The following CHSY1 variants were observed in gnomAD, a reference collection of about 807,000 sequenced individuals.
CHSY1 encodes N-acetylgalactosaminyl-proteoglycan 3-beta-glucuronosyltransferase 1.
Under a neutral mutation model 59.8 loss-of-function variants are expected in CHSY1, and 13 were observed. The ratio of observed to expected loss-of-function variants is 0.22; its 90% CI spans 0.14 to 0.35. CHSY1 has a LOEUF of 0.35. Ranked by LOEUF, CHSY1 falls within the 10% of genes least tolerant of loss-of-function variation. CHSY1 has a pLI of 1.00. For synonymous variants in CHSY1, 459 were observed against 401.2 expected (o/e 1.14, Z -1.72); for missense variants, 947 against 1,030.6 (o/e 0.92, Z 1.11).
rs2039116129 is a variant in CHSY1 at position 101,251,644 on chromosome 15, G to A, written c.-188C>T. 6.8e-6 allele frequency: 1 copy of A among 146,346 alleles called. No homozygotes were observed. Among genetic ancestry groups the A allele is most frequent in the South Asian group, 2.1e-4 (1 of 4,836 alleles). The allele number at this position is 146,346 out of a possible 1,614,324, so 9.1% of individuals were successfully genotyped here. On this transcript the variant is annotated 5_prime_UTR_variant, in exon 1 of 3. An upstream open reading frame in the 5' UTR gains an earlier in-frame stop. Transcript: ENST00000254190. ...CCCGCAGGCCCCGCGCCGGCGCTTT[G>A]TTCCGCACGCCCGCCCCCGCCGCCG... is the stretch of plus-strand genomic sequence containing the variant.
intron 2 of CHSY1, among the ~76,000 whole-genome samples, chr15:101,204,661 T>TG (rs1394644913): frequency 2.0e-5 from 3 of 151,704 alleles, no homozygotes; most frequent in African/African-American, 7.3e-5. Context: ...CCCAGCACTT[T>TG]GGGAGGCCAA....
intron 2 of CHSY1, among the ~76,000 whole-genome samples, chr15:101,205,886 A>T (rs957010093): frequency 6.6e-6 from 1 of 151,904 alleles, no homozygotes; most frequent in African/African-American, 2.4e-5. Flanking sequence ...CAGGAGGCGG[A>T]GCTTGCAGTG....
chr15:101,185,980 C>T (rs1360363541), intron 2 of CHSY1, among the ~76,000 whole-genome samples: 2 of 151,618 alleles, frequency 1.3e-5, no homozygotes, highest in Non-Finnish European at 2.9e-5. Context: ...AGGAAACACG[C>T]AGGTAGCATT....
At chr15:101,244,734 C>G (rs1222756691) in intron 1 of CHSY1, among the ~76,000 whole-genome samples, 1 of 152,186 alleles carries the variant, frequency 6.6e-6, no homozygotes, top group Non-Finnish European at 1.5e-5. Context: ...TTTACTTTCA[C>G]TTAAGTATAT....
intron 2 of CHSY1, among the ~76,000 whole-genome samples, chr15:101,222,091 A>T (rs1336606934): frequency 6.6e-6 from 1 of 152,214 alleles, no homozygotes; most frequent in East Asian, 1.9e-4. Context: ...AAGCTTGCTC[A>T]ACTGATAAGC....
chr15:101,218,736 C>A (rs145698351), intron 2 of CHSY1, among the ~76,000 whole-genome samples: 1 of 152,216 alleles, frequency 6.6e-6, no homozygotes, highest in Non-Finnish European at 1.5e-5. Context: ...GCCAGGGTGA[C>A]AGAGCAAGAC....
At chr15:101,204,505 G>A (rs1334150052) in intron 2 of CHSY1, among the ~76,000 whole-genome samples, 1 of 151,142 alleles carries the variant, frequency 6.6e-6, no homozygotes, top group Non-Finnish European at 1.5e-5. Flanking sequence ...AAGCTGATGT[G>A]GTAAATATTA....
At chr15:101,201,895 A>C (rs1339970824) in intron 2 of CHSY1, among the ~76,000 whole-genome samples, 1 of 152,190 alleles carries the variant, frequency 6.6e-6, no homozygotes, top group African/African-American at 2.4e-5. Context: ...AGGGGGTTAG[A>C]AGGAATCTCA....
intron 2 of CHSY1, among the ~76,000 whole-genome samples, chr15:101,194,189 C>T (rs952241461): frequency 6.6e-6 from 1 of 152,220 alleles, no homozygotes; most frequent in Non-Finnish European, 1.5e-5. Flanking sequence ...GTTAAGTAAT[C>T]TAAGAATGGG....
intron 2 of CHSY1, among the ~76,000 whole-genome samples, chr15:101,221,984 T>C (rs139826961): frequency 6.6e-6 from 1 of 152,178 alleles, no homozygotes; most frequent in Non-Finnish European, 1.5e-5. Flanking sequence ...GAGCGTTAAA[T>C]TGCTGAGTGA....
chr15:101,189,518 G>T, intron 2 of CHSY1: 2 of 975,552 alleles, frequency 2.1e-6, no homozygotes, highest in Non-Finnish European at 2.4e-6. Context: ...TTAAAGGGAA[G>T]CTAGAAATCC....
intron 1 of CHSY1, among the ~76,000 whole-genome samples, chr15:101,238,008 A>G (rs2038964632): frequency 6.6e-6 from 1 of 152,358 alleles, no homozygotes; most frequent in Non-Finnish European, 1.5e-5. Context: ...GATACACACC[A>G]AATCTCTGCG....
intron 2 of CHSY1, among the ~76,000 whole-genome samples, chr15:101,231,240 A>G (rs1402762610): frequency 2.6e-5 from 4 of 152,256 alleles, no homozygotes; most frequent in African/African-American, 9.6e-5. Flanking sequence ...AACTGGAAAT[A>G]GCCCGAACGT....
intron 2 of CHSY1, among the ~76,000 whole-genome samples, chr15:101,194,081 G>C (rs2141249076): frequency 6.6e-6 from 1 of 152,372 alleles, no homozygotes; most frequent in South Asian, 2.1e-4. Flanking sequence ...TCTTTTAAAA[G>C]TGAAAGTGAC....
chr15:101,248,296 A>C (rs1469018671), intron 1 of CHSY1, among the ~76,000 whole-genome samples: 1 of 152,168 alleles, frequency 6.6e-6, no homozygotes, highest in Non-Finnish European at 1.5e-5. Context: ...CTCCATCCCA[A>C]TTGAGGCCCT....
intron 1 of CHSY1, among the ~76,000 whole-genome samples, chr15:101,236,648 C>T (rs556149748): frequency 9.9e-5 from 15 of 151,962 alleles, no homozygotes; most frequent in African/African-American, 2.2e-4. Context: ...GGTGAAACCC[C>T]GTCTCTACTA....
chr15:101,186,760 C>T (rs1204572816), intron 2 of CHSY1: 1 of 152,164 alleles, frequency 6.6e-6, no homozygotes, highest in East Asian at 1.9e-4. Flanking sequence ...CATGATCGCA[C>T]TACTGCACTC....
chr15:101,248,315 G>A (rs1049851884), intron 1 of CHSY1, among the ~76,000 whole-genome samples: 2 of 152,190 alleles, frequency 1.3e-5, no homozygotes, highest in Non-Finnish European at 2.9e-5. Flanking sequence ...CTCCCCAAAA[G>A]TTCCTTAACT....
At chr15:101,189,542 C>T in intron 2 of CHSY1, 3 of 896,180 alleles carry the variant, frequency 3.3e-6, no homozygotes, top group Non-Finnish European at 4.0e-6. Flanking sequence ...TGTTCTGTGT[C>T]AAGTCTAACT....
Sources: allele counts gnomAD v4.1 joint callset (sites outside exome capture counted in the v4.1 genomes callset), GRCh38; gene constraint gnomAD v4.1.1; transcripts MANE v1.5; gene names NCBI Gene and HGNC (gene_info 2026-07-23, HGNC 2026-07-21).